CDKAL1: variants seen among roughly 807,000 people sequenced by gnomAD.
CDKAL1 encodes threonylcarbamoyladenosine tRNA methylthiotransferase.
A neutral mutation model predicts 68.2 loss-of-function variants in CDKAL1; 32 were observed. The observed-to-expected ratio is 0.47, with a 90% CI of 0.35 to 0.63. CDKAL1 has a LOEUF of 0.63. Ranked by LOEUF, CDKAL1 falls within the 30% of genes least tolerant of loss-of-function variation. The pLI is 0.00. For missense variants in CDKAL1, 606 were observed against 696.7 expected (o/e 0.87, Z 1.47); for synonymous variants, 234 against 244.3 (o/e 0.96, Z 0.39).
At chr6:20,811,350 C>A (rs534521778) in intron 8 of CDKAL1, among the ~76,000 whole-genome samples, 1 of 152,278 alleles carries the variant, frequency 6.6e-6, no homozygotes, top group East Asian at 1.9e-4. Flanking sequence ...AGATAAATGT[C>A]GAGACGCTGA....
intron 5 of CDKAL1, among the ~76,000 whole-genome samples, chr6:20,653,542 C>G (rs1271708111): frequency 6.6e-6 from 1 of 152,054 alleles, no homozygotes; most frequent in Admixed American, 6.5e-5. Context: ...ACCTCTGCCT[C>G]TCGTGTTCAA....
In CDKAL1 at chr6:20,934,848, G is replaced by A. The variant is rs942342763; in HGVS notation, c.743-20571G>A. On this transcript the variant is annotated intron_variant, in intron 9 of 15. Coordinates refer to ENST00000274695, the MANE Select transcript of CDKAL1 (RefSeq NM_017774.3). ...GTGCAAGAGAGAGAGAGACCTTGTC[G>A]CAAAGAAACAAAGCAAAACCCTGTA... is the stretch of plus-strand genomic sequence containing the variant. 1.5e-4 allele frequency among the ~76,000 whole-genome samples: 23 copies of A among 151,478 alleles called. No individual in the cohort carries two copies. In the East Asian group the frequency reaches 3.1e-3, roughly 20 times the overall value.
At chr6:20,954,990 A>AT (rs1764710970) in intron 9 of CDKAL1, among the ~76,000 whole-genome samples, 1 of 152,124 alleles carries the variant, frequency 6.6e-6, no homozygotes, top group African/African-American at 2.4e-5. Context: ...TACACTTGAC[A>AT]TTTTTCCTTA....
At chr6:20,837,457 A>T (rs1211580858) in intron 8 of CDKAL1, among the ~76,000 whole-genome samples, 1 of 152,150 alleles carries the variant, frequency 6.6e-6, no homozygotes, top group Admixed American at 6.5e-5. Context: ...CCACTGAGAG[A>T]ACAAAAACAA....
intron 6 of CDKAL1, among the ~76,000 whole-genome samples, chr6:20,751,920 C>T (rs1420116147): frequency 6.6e-6 from 1 of 152,158 alleles, no homozygotes; most frequent in East Asian, 1.9e-4. Flanking sequence ...TAATTAAGAA[C>T]AACTTTCCTT....
chr6:20,574,645 G>C (rs1282117447), intron 4 of CDKAL1, among the ~76,000 whole-genome samples: 1 of 152,102 alleles, frequency 6.6e-6, no homozygotes, highest in Non-Finnish European at 1.5e-5. Context: ...ATTTTTGCTT[G>C]ATGTCTGGGT....
chr6:21,088,812 G>T (rs1347872447), intron 12 of CDKAL1, among the ~76,000 whole-genome samples: 1 of 152,068 alleles, frequency 6.6e-6, no homozygotes, highest in Non-Finnish European at 1.5e-5. Flanking sequence ...TGTTATGGCA[G>T]GCGCCTGTAA....
At chr6:20,582,977 A>G (rs1191865165) in intron 4 of CDKAL1, among the ~76,000 whole-genome samples, 1 of 151,976 alleles carries the variant, frequency 6.6e-6, no homozygotes, top group Non-Finnish European at 1.5e-5. Context: ...GACTGGAGAG[A>G]GTAAAAAGAG....
chr6:21,030,601 G>A (rs1014015913), intron 11 of CDKAL1, among the ~76,000 whole-genome samples: 4 of 152,204 alleles, frequency 2.6e-5, no homozygotes, highest in African/African-American at 9.6e-5. Flanking sequence ...TGTATGATAT[G>A]TGGGTTTATT....
intron 9 of CDKAL1, among the ~76,000 whole-genome samples, chr6:20,890,135 G>A (rs1270895439): frequency 2.0e-5 from 3 of 152,170 alleles, no homozygotes; most frequent in South Asian, 2.1e-4. Flanking sequence ...CCTGAGCTTC[G>A]AAGATGATAG....
chr6:20,625,590 G>C (rs560739070), intron 4 of CDKAL1, among the ~76,000 whole-genome samples: 12 of 152,214 alleles, frequency 7.9e-5, no homozygotes, highest in African/African-American at 2.9e-4. Flanking sequence ...TGCTATACGG[G>C]ACAGTTTAAT....
chr6:21,097,282 C>A (rs1773363519), intron 12 of CDKAL1, among the ~76,000 whole-genome samples: 1 of 151,990 alleles, frequency 6.6e-6, no homozygotes, highest in African/African-American at 2.4e-5. Flanking sequence ...CCAGCCTGAC[C>A]AACAGGGTGA....
chr6:21,068,884 G>A (rs186210031), intron 12 of CDKAL1, among the ~76,000 whole-genome samples: 266 of 151,930 alleles, frequency 1.8e-3, no homozygotes, highest in African/African-American at 4.8e-3. Flanking sequence ...AATTTCTATC[G>A]ATAATGTTTT....
At chr6:20,985,209 G>T (rs1210111981) in intron 10 of CDKAL1, among the ~76,000 whole-genome samples, 1 of 152,032 alleles carries the variant, frequency 6.6e-6, no homozygotes, top group Non-Finnish European at 1.5e-5. Context: ...ATCACTTTAC[G>T]TGTTCATCAT....
At chr6:20,992,031 C>CTTTTTTTTT (rs71530401) in intron 10 of CDKAL1, among the ~76,000 whole-genome samples, 8 of 100,476 alleles carry the variant, frequency 8.0e-5, no homozygotes, top group African/African-American at 1.3e-4. Flanking sequence ...TTTTTCTTTT[C>CTTTTTTTTT]TTTTTTTTTT....
At chr6:20,893,816 G>T (rs1445176838) in intron 9 of CDKAL1, among the ~76,000 whole-genome samples, 2 of 152,138 alleles carry the variant, frequency 1.3e-5, no homozygotes, top group Non-Finnish European at 2.9e-5. Flanking sequence ...ACAGTCTTGG[G>T]CATGGAGTAA....
chr6:20,823,040 T>C (rs1777350832), intron 8 of CDKAL1, among the ~76,000 whole-genome samples: 1 of 152,178 alleles, frequency 6.6e-6, no homozygotes, highest in African/African-American at 2.4e-5. Flanking sequence ...TCCTACTCTC[T>C]AATAAGCACA....
intron 4 of CDKAL1, among the ~76,000 whole-genome samples, chr6:20,568,574 A>G (rs563126399): frequency 5.8e-4 from 88 of 151,756 alleles, no homozygotes; most frequent in Non-Finnish European, 5.6e-4. Context: ...TCTACTAACA[A>G]TACAAAAAAA....
At chr6:20,792,610 A>G (rs944543991) in intron 8 of CDKAL1, among the ~76,000 whole-genome samples, 3 of 152,170 alleles carry the variant, frequency 2.0e-5, no homozygotes, top group African/African-American at 4.8e-5. Flanking sequence ...GTTTATGAGA[A>G]CAAGATATGC....
Sources: gnomAD v4.1 joint callset for allele counts (sites outside exome capture counted in the v4.1 genomes callset) on GRCh38, gnomAD v4.1.1 for gene constraint, MANE v1.5 for transcripts, NCBI Gene and HGNC (gene_info 2026-07-23, HGNC 2026-07-21) for gene names.